Variants in PLXNC1 observed in about 807,000 individuals in gnomAD.
PLXNC1 encodes plexin-C1.
A neutral mutation model predicts 178.2 loss-of-function variants in PLXNC1; 75 were observed. The observed-to-expected ratio is 0.42, with a 90% CI of 0.35 to 0.51. The LOEUF is 0.51. PLXNC1 is among the 20% of genes least tolerant of loss of function. The pLI is 0.02. For synonymous variants in PLXNC1, 790 were observed against 779.9 expected (o/e 1.01, Z -0.22); for missense variants, 1,503 against 1,984.4 (o/e 0.76, Z 4.61).
chr12:94,283,899 C>A (rs1966637760), intron 23 of PLXNC1, among the ~76,000 whole-genome samples: 1 of 152,106 alleles, frequency 6.6e-6, no homozygotes, highest in South Asian at 2.1e-4. Context: ...GCCTGGCCAA[C>A]ACGGTAAAAC....
At position 94,307,215 on chromosome 12, in the gene PLXNC1, C is replaced by CACTT. The variant is rs1346959540; in HGVS notation, c.*1933_*1936dup. 5 of 152,172 alleles carry CACTT rather than the reference C, an allele frequency of 3.3e-5. No homozygotes were observed. Among genetic ancestry groups the CACTT allele is most frequent in the Admixed American group, 1.3e-4 (2 of 15,268 alleles). The allele number at this position is 152,172 out of a possible 1,614,324, so 9.4% of individuals were successfully genotyped here. On this transcript the variant is annotated 3_prime_UTR_variant, in exon 31 of 31. Coordinates refer to ENST00000258526, the MANE Select transcript of PLXNC1 (RefSeq NM_005761.3). ...GTGCTGTTGGGAACTTTGGGCAAGT[C>CACTT]ACTTACCTCTTTGTGCCTCAATTTC...
chr12:94,235,729 A>T (rs1367703524), intron 9 of PLXNC1, among the ~76,000 whole-genome samples: 3 of 152,188 alleles, frequency 2.0e-5, no homozygotes, highest in African/African-American at 7.2e-5. Flanking sequence ...CACTACCCAG[A>T]CGAATATTTA....
intron 9 of PLXNC1, among the ~76,000 whole-genome samples, chr12:94,232,070 C>T (rs116843967): frequency 3.2e-3 from 488 of 152,300 alleles, no homozygotes; most frequent in Middle Eastern, 6.8e-3. Flanking sequence ...CTTGCACCTC[C>T]TCTTCTCTTC....
chr12:94,182,787 ATG>A (rs1275166954), intron 3 of PLXNC1, among the ~76,000 whole-genome samples: 1 of 152,174 alleles, frequency 6.6e-6, no homozygotes, highest in Non-Finnish European at 1.5e-5. Context: ...ATAAAAATAA[ATG>A]TGTTATTAAT....
At chr12:94,298,550 G>C in intron 26 of PLXNC1, 82 bp from the exon 27 acceptor site, 1 of 1,114,428 alleles carries the variant, frequency 9.0e-7, no homozygotes, top group Non-Finnish European at 1.3e-6. Context: ...TTCTCTGAAT[G>C]TGGATTTGCT....
In PLXNC1 at chr12:94,296,844, A is replaced by G. The variant is rs375223456; in HGVS notation, c.3935-345A>G. Among the ~76,000 whole-genome samples, 9 of 152,314 alleles carry G rather than the reference A, an allele frequency of 5.9e-5. No individual in the cohort carries two copies. The East Asian group carries it at 1.5e-3, about 26-fold the overall frequency. ...GAATGCAAATTCCATCAGGGTGGGA[A>G]CTGGGTCTTATTCATTGCTATATGC... is the stretch of plus-strand genomic sequence containing the variant. On this transcript the variant is annotated intron_variant, in intron 24 of 30. Transcript: ENST00000258526.
intron 2 of PLXNC1, among the ~76,000 whole-genome samples, chr12:94,169,517 T>G (rs1217964137): frequency 6.6e-6 from 1 of 151,920 alleles, no homozygotes; most frequent in East Asian, 1.9e-4. Flanking sequence ...TGCCCAGGAG[T>G]GCACCAAGAT....
chr12:94,190,806 C>T (rs1248152290), intron 4 of PLXNC1, among the ~76,000 whole-genome samples: 2 of 152,224 alleles, frequency 1.3e-5, no homozygotes, highest in Non-Finnish European at 2.9e-5. Flanking sequence ...TAAGACTATG[C>T]TAAGCATGTT....
intron 6 of PLXNC1, 146 bp downstream of exon 6, chr12:94,220,309 G>A: frequency 2.8e-6 from 2 of 702,236 alleles, no homozygotes; most frequent in Non-Finnish European, 4.8e-6. Context: ...TTTGCTCTGG[G>A]TCCTCCTCAC....
chr12:94,300,380 G>A (rs948150776), intron 27 of PLXNC1, among the ~76,000 whole-genome samples: 11 of 152,138 alleles, frequency 7.2e-5, no homozygotes, highest in African/African-American at 1.9e-4. Context: ...GCAGACAGAC[G>A]CCAAGAGCAC....
At chr12:94,174,521 C>G (rs1245337841) in intron 2 of PLXNC1, among the ~76,000 whole-genome samples, 1 of 152,162 alleles carries the variant, frequency 6.6e-6, no homozygotes, top group Non-Finnish European at 1.5e-5. Context: ...AAAATTAAAC[C>G]GGTTCCAAAA....
chr12:94,296,891 G>A (rs1967974343), intron 24 of PLXNC1, among the ~76,000 whole-genome samples: 1 of 152,176 alleles, frequency 6.6e-6, no homozygotes, highest in Admixed American at 6.5e-5. Flanking sequence ...TGGCACATAG[G>A]AGGTGTTCTA....
In PLXNC1 at chr12:94,260,802, A is replaced by T; in HGVS notation, c.3412A>T (p.Thr1138Ser). 1 of 1,614,166 alleles carries T rather than the reference A, an allele frequency of 6.2e-7. No homozygotes were observed. Among genetic ancestry groups the T allele is most frequent in the Non-Finnish European group, 8.5e-7 (1 of 1,180,010 alleles). Residue 1138 changes from threonine (T) to serine (S), a missense_variant, in exon 20 of 31, where the codon ACA (threonine) becomes TCA (serine). Thr to Ser is a moderately conservative substitution (Grantham distance 58). This residue lies in a region of PLXNC1 where 639 missense variants were observed against 979.7 expected (regional missense o/e 0.65). Transcript: ENST00000258526. The surrounding 1 kb of genome is among the most constrained non-coding windows in gnomAD (Gnocchi z 4.4). ...GGAGTCCGTCGTCGAAAAACTCCTC[A>T]CAAACTGGATGTCCGTCTGCCTTTC... ...RTESVVEKLL[T>S]NWMSVCLSGF...
chr12:94,166,535 ATTATTATTAT>A (rs1426297724), intron 1 of PLXNC1, among the ~76,000 whole-genome samples: 1 of 141,540 alleles, frequency 7.1e-6, no homozygotes, highest in Non-Finnish European at 1.5e-5. Context: ...TATTATTATT[ATTATTATTAT>A]TATTATTATT....
chr12:94,215,168 G>T (rs1359330869), intron 5 of PLXNC1, among the ~76,000 whole-genome samples: 7 of 152,198 alleles, frequency 4.6e-5, no homozygotes, highest in Non-Finnish European at 8.8e-5. Context: ...AAAGTGCTGG[G>T]ATTACAGGCG....
intron 1 of PLXNC1, among the ~76,000 whole-genome samples, chr12:94,168,586 C>T (rs1961717706): frequency 6.6e-6 from 1 of 152,158 alleles, no homozygotes; most frequent in Non-Finnish European, 1.5e-5. Context: ...TCGATCCTAC[C>T]CATCGTCCAC....
chr12:94,290,100 G>A (rs1030555033), intron 23 of PLXNC1, among the ~76,000 whole-genome samples: 15 of 152,190 alleles, frequency 9.9e-5, no homozygotes, highest in African/African-American at 2.2e-4. Flanking sequence ...AAAACAAAGC[G>A]TCTGACAGTA....
chr12:94,275,128 C>T (rs6538493), intron 21 of PLXNC1, among the ~76,000 whole-genome samples: 27,441 of 152,106 alleles, frequency 0.18, 2,654 homozygotes, highest in Admixed American at 0.23. Context: ...ACTCAGGGCC[C>T]TGACCCCCAC....
chr12:94,205,075 G>A (rs1963259267), intron 4 of PLXNC1, among the ~76,000 whole-genome samples: 1 of 152,122 alleles, frequency 6.6e-6, no homozygotes, highest in Admixed American at 6.5e-5. Context: ...CTATTTCAAG[G>A]TTGAGTAAGT....
Sources: allele counts gnomAD v4.1 joint callset (sites outside exome capture counted in the v4.1 genomes callset), GRCh38; gene constraint gnomAD v4.1.1; regional missense constraint gnomAD v4.1.1; non-coding constraint Gnocchi (gnomAD v3.1); transcripts MANE v1.5; gene names NCBI Gene and HGNC (gene_info 2026-07-23, HGNC 2026-07-21).